Variants in LIPA observed in about 807,000 individuals in gnomAD.
LIPA encodes lipase A, lysosomal acid type.
LIPA carries 26 observed loss-of-function variants against 40.6 expected under a neutral mutation model. The observed-to-expected ratio is 0.64, with a 90% CI of 0.47 to 0.89. The LOEUF (loss-of-function observed/expected upper bound fraction) is 0.89, where lower values mean the gene tolerates loss of function less well. Ranked by LOEUF, LIPA falls within the 40% of genes least tolerant of loss-of-function variation. LIPA has a pLI of 0.00. For missense variants in LIPA, 455 were observed against 479.6 expected (o/e 0.95, Z 0.48); for synonymous variants, 188 against 168.4 (o/e 1.12, Z -0.90).
intron 1 of LIPA, among the ~76,000 whole-genome samples, chr10:89,289,873 A>G (rs992218754): frequency 1.3e-5 from 2 of 151,766 alleles, no homozygotes; most frequent in African/African-American, 2.4e-5. Context: ...TCTCCACCAC[A>G]CTATCAATCT....
intron 1 of LIPA, among the ~76,000 whole-genome samples, chr10:89,326,875 C>T (rs1843604936): frequency 6.6e-6 from 1 of 152,188 alleles, no homozygotes; most frequent in East Asian, 1.9e-4. Context: ...GACCTATGGC[C>T]TGTGACACAG....
chr10:89,338,942 C>T, intron 1 of LIPA: 1 of 1,614,146 alleles, frequency 6.2e-7, no homozygotes, highest in Non-Finnish European at 8.5e-7. Context: ...AGTCTAGTCA[C>T]TTGGGGAAAC....
At chr10:89,227,716 C>A (rs1842788380) in intron 4 of LIPA, among the ~76,000 whole-genome samples, 1 of 152,106 alleles carries the variant, frequency 6.6e-6, no homozygotes, top group Admixed American at 6.5e-5. Context: ...TCCTTTAAGC[C>A]CCCAGTGACC....
chr10:89,394,511 G>T (rs1410913744), intron 2 of LIPA, among the ~76,000 whole-genome samples: 1 of 149,290 alleles, frequency 6.7e-6, no homozygotes, highest in Non-Finnish European at 1.5e-5. Context: ...GATTATTTCA[G>T]ATGGCAAACT....
intron 2 of LIPA, among the ~76,000 whole-genome samples, chr10:89,381,754 C>T (rs1844165110): frequency 6.6e-6 from 1 of 151,920 alleles, no homozygotes. Context: ...GAATCCTTTC[C>T]TTTCTTCCTT....
intron 1 of LIPA, among the ~76,000 whole-genome samples, chr10:89,282,304 T>TA (rs916605190): frequency 1.3e-5 from 2 of 152,172 alleles, no homozygotes; most frequent in African/African-American, 2.4e-5. Flanking sequence ...AAGTAGGAAA[T>TA]ACAGCTGAGG....
intron 9 of LIPA, 108 bp downstream of exon 9, chr10:89,215,830 G>A: frequency 1.2e-6 from 1 of 805,552 alleles, no homozygotes; most frequent in Non-Finnish European, 2.3e-6. Flanking sequence ...GTCAACTCCT[G>A]CAAACATTTC....
intron 1 of LIPA, among the ~76,000 whole-genome samples, chr10:89,329,039 A>T (rs1332330): frequency 0.24 from 36,628 of 151,994 alleles, 4,580 homozygotes; most frequent in African/African-American, 0.27. Context: ...TTATATATTG[A>T]CCTCCTGGAG....
intron 9 of LIPA, among the ~76,000 whole-genome samples, chr10:89,215,671 C>A (rs113460772): frequency 4.3e-4 from 65 of 152,326 alleles, no homozygotes; most frequent in African/African-American, 1.5e-3. Flanking sequence ...TCTGACTCTA[C>A]AGGCTATGTT....
intron 3 of LIPA, among the ~76,000 whole-genome samples, chr10:89,240,640 G>T (rs1316043085): frequency 6.6e-6 from 1 of 152,086 alleles, no homozygotes; most frequent in African/African-American, 2.4e-5. Flanking sequence ...AATTGCCAAG[G>T]TCACACAGCC....
intron 1 of LIPA, among the ~76,000 whole-genome samples, chr10:89,271,484 G>C (rs190024849): frequency 6.6e-6 from 1 of 152,178 alleles, no homozygotes; most frequent in Non-Finnish European, 1.5e-5. Context: ...GGTGATTATT[G>C]TTCTGATGGG....
intron 2 of LIPA, chr10:89,405,925 C>T (rs1199785433): frequency 6.6e-6 from 1 of 152,084 alleles, no homozygotes; most frequent in African/African-American, 2.4e-5. Flanking sequence ...CACAGAGCAC[C>T]CCAAGAAAAT....
chr10:89,317,502 A>G (rs1843547651), intron 1 of LIPA, among the ~76,000 whole-genome samples: 1 of 152,210 alleles, frequency 6.6e-6, no homozygotes, highest in South Asian at 2.1e-4. Context: ...TGAAGTGAGA[A>G]GAGAAGTTTA....
intron 2 of LIPA, among the ~76,000 whole-genome samples, chr10:89,347,972 G>A (rs760626193): frequency 4.2e-4 from 64 of 152,270 alleles, no homozygotes; most frequent in East Asian, 1.9e-3. Flanking sequence ...GCCTACCACC[G>A]TAAGGTTTCC....
At chr10:89,299,765 A>T (rs1843434849) in intron 1 of LIPA, among the ~76,000 whole-genome samples, 1 of 152,114 alleles carries the variant, frequency 6.6e-6, no homozygotes. Flanking sequence ...AAAAAAAAAT[A>T]ACAAATGCTG....
chr10:89,300,158 A>C (rs1205913371), intron 1 of LIPA, among the ~76,000 whole-genome samples: 1 of 152,228 alleles, frequency 6.6e-6, no homozygotes, highest in East Asian at 1.9e-4. Flanking sequence ...TAAATGCAAT[A>C]AGCCAGGCAC....
Position 89,394,577 on chromosome 10 carries a change from AAT to A in LIPA, c.61+18212_61+18213del, listed in dbSNP as rs200060906. 2.9e-3 allele frequency among the ~76,000 whole-genome samples: 318 copies of A among 108,588 alleles called. 1 individual carries two copies. The highest frequency in any genetic ancestry group is 0.011 in the Middle Eastern group (2 of 182). The allele number at this position is 108,588 out of a possible 152,430, so 71.2% of individuals were successfully genotyped here. ...TTTATGTCAATATGTACTACAGGAA[AAT>A]ATATATATATATATATATATATATA... is the stretch of plus-strand genomic sequence containing the variant. On this transcript the variant is annotated intron_variant, in intron 2 of 8. Coordinates refer to the LIPA transcript ENST00000371837.
intron 2 of LIPA, among the ~76,000 whole-genome samples, chr10:89,246,757 G>A (rs1843029819): frequency 6.6e-6 from 1 of 152,082 alleles, no homozygotes; most frequent in Non-Finnish European, 1.5e-5. Flanking sequence ...GTTTTAATTA[G>A]TCGAGTGGTT....
intron 2 of LIPA, chr10:89,403,105 C>T: frequency 6.2e-7 from 1 of 1,614,112 alleles, no homozygotes; most frequent in South Asian, 1.1e-5. Context: ...TTAAAAAAGG[C>T]CTTGCAGGAA....
Sources: gnomAD v4.1 joint callset for allele counts (sites outside exome capture counted in the v4.1 genomes callset) on GRCh38, gnomAD v4.1.1 for gene constraint, MANE v1.5 for transcripts, NCBI Gene and HGNC (gene_info 2026-07-23, HGNC 2026-07-21) for gene names.